The following NEDD1 variants were observed in gnomAD, a reference collection of about 807,000 sequenced individuals.
The protein encoded by NEDD1 is protein NEDD1.
Under a neutral mutation model 74.0 loss-of-function variants are expected in NEDD1, and 33 were observed. The observed-to-expected ratio is 0.45, with a 90% confidence interval of 0.34 to 0.60. The LOEUF is 0.60. Among genes scored for constraint, NEDD1 ranks in the 20% least tolerant of loss-of-function variants. NEDD1 has a pLI of 0.01. For missense variants in NEDD1, 746 were observed against 776.5 expected (o/e 0.96, Z 0.47); for synonymous variants, 250 against 264.4 (o/e 0.95, Z 0.53).
rs761745800 is a variant in NEDD1 at position 96,936,835 on chromosome 12, T to C, written c.921+23T>C. Reference sequence around the variant, plus strand: ...AAGGTGAGACATTTTCTTTTCAGCATTTTTTATTTTATTAAATAAATCTAA... The same window carrying C: ...AAGGTGAGACATTTTCTTTTCAGCACTTTTTATTTTATTAAATAAATCTAA... On this transcript the variant is annotated intron_variant, in intron 8 of 15. Transcript: ENST00000266742. The C allele has an allele frequency of 1.9e-5, 27 of 1,428,614 alleles. No homozygotes were observed. The African/African-American group carries it at 3.5e-4, about 19-fold the overall frequency. 88.5% of individuals were successfully genotyped at this position (1,428,614 alleles called of 1,614,324 possible). A position where few individuals can be genotyped will look rare whatever the true frequency, so the allele number is the denominator to read the frequency against.
chr12:96,910,310 G>A (rs1873784541), intron 3 of NEDD1, among the ~76,000 whole-genome samples: 2 of 152,160 alleles, frequency 1.3e-5, no homozygotes, highest in Non-Finnish European at 2.9e-5. Context: ...ATTAAAGACA[G>A]AACTTGAAGG....
At position 96,952,687 on chromosome 12, in the gene NEDD1, T is replaced by C. The variant is rs1878814924; in HGVS notation, c.*634T>C. On this transcript the variant is annotated 3_prime_UTR_variant, in exon 16 of 16. Transcript: ENST00000266742. Reference sequence around the variant, plus strand: ...ATATTGTACTTCTGACAAATCTTTATTCCTGGGTGGTATTTTTAAGATATC... The same window carrying C: ...ATATTGTACTTCTGACAAATCTTTACTCCTGGGTGGTATTTTTAAGATATC... 6.6e-6 allele frequency: 1 copy of C among 151,752 alleles called. No homozygotes were observed. The highest frequency in any genetic ancestry group is 2.4e-5 in the African/African-American group (1 of 41,420). 9.4% of individuals were successfully genotyped at this position (151,752 alleles called of 1,614,324 possible). A position where few individuals can be genotyped will look rare whatever the true frequency, so the allele number is the denominator to read the frequency against.
chr12:96,916,203 C>T (rs1452080164), intron 4 of NEDD1, among the ~76,000 whole-genome samples: 1 of 150,702 alleles, frequency 6.6e-6, no homozygotes, highest in Middle Eastern at 3.2e-3. Context: ...GGAGTTTATT[C>T]TTGGTGTGAT....
At chr12:96,909,193 A>T (rs1873640706) in intron 2 of NEDD1, among the ~76,000 whole-genome samples, 1 of 151,912 alleles carries the variant, frequency 6.6e-6, no homozygotes, top group Non-Finnish European at 1.5e-5. Context: ...AAAAAAAAAA[A>T]ATTCAGATAT....
At chr12:96,951,384 AT>A (rs1444080822) in intron 14 of NEDD1, 47 bp from the exon 15 acceptor site, 1 of 1,071,854 alleles carries the variant, frequency 9.3e-7, no homozygotes, top group Non-Finnish European at 1.4e-6. Flanking sequence ...ATGACCTAGA[AT>A]TGGTTAAACT....
At chr12:96,912,609 C>T in intron 3 of NEDD1, 114 bp from the exon 4 acceptor site, 1 of 606,886 alleles carries the variant, frequency 1.6e-6, no homozygotes, top group Admixed American at 2.9e-5. Context: ...ACTCTGTAAG[C>T]TATACTCATT....
At chr12:96,934,777 A>G (rs575396933) in intron 6 of NEDD1, among the ~76,000 whole-genome samples, 199 bp from the exon 7 acceptor site, 1 of 152,142 alleles carries the variant, frequency 6.6e-6, no homozygotes, top group East Asian at 1.9e-4. Context: ...ACCTCAGATG[A>G]TCCACCTGCC....
chr12:96,924,207 G>A (rs573098964), intron 6 of NEDD1, among the ~76,000 whole-genome samples: 140 of 152,214 alleles, frequency 9.2e-4, no homozygotes, highest in African/African-American at 2.8e-3. Context: ...GTTCTATTTT[G>A]TTCCGTTGGT....
Position 96,917,717 on chromosome 12 carries a change from A to G in NEDD1, c.328A>G (p.Arg110Gly), listed in dbSNP as rs1272614684. Residue 110 changes from arginine to glycine, a missense_variant, in exon 5 of 16, where the codon AGA becomes GGA. Transcript: ENST00000266742. ...TVNIWDLKSK[R>G]VHRSLKDHKD... ...TAATATTTGGGATTTAAAATCAAAA[A>G]GAGTTCATCGATCTCTTAAGGTAAG... 1.9e-6 allele frequency: 3 copies of G among 1,559,544 alleles called. No individual in the cohort carries two copies. The highest frequency in any genetic ancestry group is 2.2e-5 in the Admixed American group (1 of 44,682).
chr12:96,925,597 T>C (rs2136545375), intron 6 of NEDD1, among the ~76,000 whole-genome samples: 1 of 152,308 alleles, frequency 6.6e-6, no homozygotes, highest in Middle Eastern at 3.4e-3. Context: ...CTGGAAACTT[T>C]ACACTATTTT....
chr12:96,909,453 G>C (rs1411646577), intron 2 of NEDD1, among the ~76,000 whole-genome samples: 1 of 152,170 alleles, frequency 6.6e-6, no homozygotes, highest in Non-Finnish European at 1.5e-5. Context: ...CTTTGCATGA[G>C]GCAGAGAGAA....
chr12:96,910,658 C>T (rs114539251), intron 3 of NEDD1, among the ~76,000 whole-genome samples: 97 of 152,234 alleles, frequency 6.4e-4, no homozygotes, highest in African/African-American at 2.2e-3. Flanking sequence ...GGTCTTCACC[C>T]GTTAGGTACC....
At chr12:96,918,338 TTA>T (rs1274928655) in intron 5 of NEDD1, among the ~76,000 whole-genome samples, 2 of 152,088 alleles carry the variant, frequency 1.3e-5, no homozygotes, top group African/African-American at 4.8e-5. Flanking sequence ...CTACTTTTCA[TTA>T]TATTGTCTTT....
At chr12:96,933,130 A>G (rs1254744986) in intron 6 of NEDD1, among the ~76,000 whole-genome samples, 1 of 151,818 alleles carries the variant, frequency 6.6e-6, no homozygotes, top group African/African-American at 2.4e-5. Flanking sequence ...AGACAGTGGT[A>G]AGCTCCTTGT....
rs1873466369 is a variant in NEDD1 at position 96,907,652 on chromosome 12, CAAGTA to C, written c.-208_-204del. 6.4e-7 allele frequency: 1 copy of C among 1,550,700 alleles called. No homozygotes were observed. The highest frequency in any genetic ancestry group is 1.4e-5 in the African/African-American group (1 of 73,038). ...TAGCCTCACTTGAGCTGTTGTCCTG[CAAGTA>C]AAGTGTATTTTTGGTGATTGAAAGT... is the stretch of plus-strand genomic sequence containing the variant. On this transcript the variant is annotated 5_prime_UTR_variant, in exon 2 of 16. Transcript: ENST00000266742.
rs765036407 is a variant in NEDD1 at position 96,945,736 on chromosome 12, ACT to A, written c.1702_1703del (p.Ser568ArgfsTer10). On this transcript the variant is annotated frameshift_variant, in exon 14 of 16. Coordinates refer to ENST00000266742, the MANE Select transcript of NEDD1 (RefSeq NM_152905.4). LOFTEE classifies it high-confidence loss of function. ...SSVTAGVASS[L>X]SEKIADSIGN... ...CTGTCACTGCTGGAGTTGCCAGTTC[ACT>A]CTCAGAAAAAATAGCCGACAGCATT... The A allele has an allele frequency of 1.9e-6, 3 of 1,606,164 alleles. No homozygotes were observed. The highest frequency in any genetic ancestry group is 2.2e-5 in the East Asian group (1 of 44,812).
intron 7 of NEDD1, among the ~76,000 whole-genome samples, chr12:96,936,405 T>G (rs1877093137): frequency 6.6e-6 from 1 of 152,244 alleles, no homozygotes; most frequent in South Asian, 2.1e-4. Context: ...AGATGGAATG[T>G]TTAGCAGTTC....
intron 4 of NEDD1, 84 bp from the exon 5 acceptor site, chr12:96,917,537 T>A: frequency 7.3e-7 from 1 of 1,365,644 alleles, no homozygotes; most frequent in East Asian, 2.7e-5. Flanking sequence ...ATTTATCATA[T>A]GCTTACTAAG....
chr12:96,917,923 T>C (rs1592867577), intron 5 of NEDD1, among the ~76,000 whole-genome samples, 186 bp downstream of exon 5: 2 of 152,264 alleles, frequency 1.3e-5, no homozygotes, highest in East Asian at 1.9e-4. Context: ...TTTTCTTACA[T>C]GTGTAGCATT....
Sources: gnomAD v4.1 joint callset for allele counts (sites outside exome capture counted in the v4.1 genomes callset) on GRCh38, gnomAD v4.1.1 for gene constraint, MANE v1.5 for transcripts, NCBI Gene and HGNC (gene_info 2026-07-23, HGNC 2026-07-21) for gene names.